The following SEMA4D variants were observed in gnomAD, a reference collection of about 807,000 sequenced individuals.
SEMA4D encodes semaphorin-4D.
In SEMA4D, 22 loss-of-function variants were observed where a neutral mutation model predicts 74.8. The ratio of observed to expected loss-of-function variants is 0.29; its 90% confidence interval spans 0.21 to 0.42. The LOEUF (loss-of-function observed/expected upper bound fraction) is 0.42, where lower values mean the gene tolerates loss of function less well. Among genes scored for constraint, SEMA4D ranks in the 10% least tolerant of loss-of-function variants. SEMA4D has a pLI of 1.00. For synonymous variants in SEMA4D, 445 were observed against 463.7 expected (o/e 0.96, Z 0.52); for missense variants, 937 against 1,118.4 (o/e 0.84, Z 2.31).
intron 2 of SEMA4D, among the ~76,000 whole-genome samples, chr9:89,416,465 G>A (rs534924383): frequency 5.3e-5 from 8 of 152,146 alleles, no homozygotes; most frequent in East Asian, 1.9e-4. Context: ...GCAACAACAC[G>A]CGAGGCGCGA....
chr9:89,407,258 C>T (rs1322545645), intron 2 of SEMA4D, among the ~76,000 whole-genome samples: 2 of 152,186 alleles, frequency 1.3e-5, no homozygotes, highest in East Asian at 1.9e-4. Context: ...TATTAGATGG[C>T]AATTCCAGGA....
In SEMA4D at chr9:89,494,599, T is replaced by C. The variant is rs529858462; in HGVS notation, c.-310+3320A>G. On this transcript the variant is annotated intron_variant, in intron 1 of 15. Transcript: ENST00000422704. The stretch of plus-strand genomic sequence containing the variant: ...AGTAAACCTTTGAATGATGCCATCA[T>C]GAAGTAAAGAATCCAATGGCATGTT... Among the ~76,000 whole-genome samples the C allele has an allele frequency of 4.0e-4, 61 of 152,364 alleles. No homozygotes were observed. The South Asian group carries it at 0.012, about 31-fold the overall frequency.
chr9:89,403,282 C>T (rs1842593748), intron 3 of SEMA4D, among the ~76,000 whole-genome samples: 1 of 152,200 alleles, frequency 6.6e-6, no homozygotes, highest in African/African-American at 2.4e-5. Flanking sequence ...AGTGTGCTCA[C>T]TTTGAAGCTG....
intron 2 of SEMA4D, chr9:89,449,823 T>G: frequency 6.7e-7 from 1 of 1,501,338 alleles, no homozygotes; most frequent in Non-Finnish European, 9.3e-7. Context: ...TGTATGTCAC[T>G]TCTCCCCTTT....
chr9:89,496,985 A>G (rs566920741), intron 1 of SEMA4D, among the ~76,000 whole-genome samples: 1 of 152,316 alleles, frequency 6.6e-6, no homozygotes, highest in South Asian at 2.1e-4. Context: ...ACACAGAGTG[A>G]GGTTTTCAAA....
At chr9:89,491,843 G>A (rs1178914635) in intron 1 of SEMA4D, among the ~76,000 whole-genome samples, 2 of 152,146 alleles carry the variant, frequency 1.3e-5, no homozygotes, top group African/African-American at 4.8e-5. Flanking sequence ...CACCAGCGAT[G>A]GGACAGCCCC....
At chr9:89,366,269 C>T (rs1018407405) in intron 16 of SEMA4D, among the ~76,000 whole-genome samples, 1 of 152,188 alleles carries the variant, frequency 6.6e-6, no homozygotes, top group African/African-American at 2.4e-5. Flanking sequence ...TGGTAACTAC[C>T]TCTGGATGGT....
chr9:89,399,861 G>T (rs1841783172), intron 4 of SEMA4D, among the ~76,000 whole-genome samples: 1 of 151,886 alleles, frequency 6.6e-6, no homozygotes, highest in African/African-American at 2.4e-5. Context: ...ATCTGGGAGT[G>T]GTGGCGGGCG....
intron 13 of SEMA4D, chr9:89,385,606 G>A: frequency 1.0e-6 from 1 of 979,898 alleles, no homozygotes; most frequent in Non-Finnish European, 1.2e-6. Flanking sequence ...CAGAGGGGAG[G>A]TGACCACGTA....
chr9:89,392,051 G>A (rs955058856), intron 8 of SEMA4D, among the ~76,000 whole-genome samples: 3 of 152,238 alleles, frequency 2.0e-5, no homozygotes, highest in East Asian at 1.9e-4. Context: ...GGCTGGGCCC[G>A]GAGGCAGGTC....
At chr9:89,448,176 A>G (rs1325348444) in intron 2 of SEMA4D, among the ~76,000 whole-genome samples, 1 of 152,040 alleles carries the variant, frequency 6.6e-6, no homozygotes, top group Non-Finnish European at 1.5e-5. Flanking sequence ...GGGTCTCACT[A>G]TGTTGCCCAG....
downstream of SEMA4D, among the ~76,000 whole-genome samples, chr9:89,373,869 G>A (rs79638268): frequency 0.015 from 2,300 of 152,308 alleles, 30 homozygotes; most frequent in Middle Eastern, 0.031. Context: ...GAAAGTCTCT[G>A]GGACTTGCAA....
At chr9:89,468,124 A>G (rs1184003289) in intron 1 of SEMA4D, among the ~76,000 whole-genome samples, 2 of 152,214 alleles carry the variant, frequency 1.3e-5, no homozygotes, top group East Asian at 1.9e-4. Flanking sequence ...ACTCAGCGCC[A>G]TAGGATGGCT....
chr9:89,376,700 G>A (rs532602748), downstream of SEMA4D: 22 of 1,317,148 alleles, frequency 1.7e-5, no homozygotes, highest in South Asian at 6.5e-5. Context: ...GGCTCAACCC[G>A]AGGGACGCAG....
chr9:89,470,111 T>C (rs1474001920), intron 1 of SEMA4D, among the ~76,000 whole-genome samples: 1 of 152,234 alleles, frequency 6.6e-6, no homozygotes, highest in Admixed American at 6.5e-5. Flanking sequence ...ATGGATTCTA[T>C]CAACATTTGG....
intron 2 of SEMA4D, chr9:89,418,019 C>G: frequency 1.1e-6 from 1 of 914,086 alleles, no homozygotes. Flanking sequence ...CAACTCTGCT[C>G]AACTGAAATT....
intron 1 of SEMA4D, among the ~76,000 whole-genome samples, chr9:89,491,235 C>T (rs1395858948): frequency 6.6e-6 from 1 of 152,188 alleles, no homozygotes; most frequent in Non-Finnish European, 1.5e-5. Flanking sequence ...GTGGGCCTGT[C>T]TTAGGGCAGC....
At chr9:89,372,849 C>T (rs982393332), downstream of SEMA4D, among the ~76,000 whole-genome samples, 7 of 152,086 alleles carry the variant, frequency 4.6e-5, no homozygotes, top group Non-Finnish European at 7.4e-5. Flanking sequence ...GTCCCAGGGC[C>T]TTCTCAGGAC....
At chr9:89,376,495 C>G (rs1835804559), downstream of SEMA4D, 1 of 209,602 alleles carries the variant, frequency 4.8e-6, no homozygotes, top group South Asian at 1.4e-4. Context: ...ACAGCCCTGA[C>G]CACTCGTTGT....
Sources: allele counts gnomAD v4.1 joint callset (sites outside exome capture counted in the v4.1 genomes callset), GRCh38; gene constraint gnomAD v4.1.1; transcripts MANE v1.5; gene names NCBI Gene and HGNC (gene_info 2026-07-23, HGNC 2026-07-21).